Variants in FGF12 observed in about 807,000 individuals in gnomAD.
The protein encoded by FGF12 is fibroblast growth factor 12B.
A neutral mutation model predicts 23.6 loss-of-function variants in FGF12; 14 were observed. That is an observed-to-expected ratio of 0.59 (90% CI 0.39 to 0.93). FGF12 has a LOEUF of 0.93. FGF12 is among the 40% of genes least tolerant of loss of function. The pLI is 0.00. For missense variants in FGF12, 175 were observed against 217.8 expected (o/e 0.80, Z 1.24); for synonymous variants, 62 against 77.3 (o/e 0.80, Z 1.04).
At chr3:192,720,210 C>T (rs1718996373) in intron 2 of FGF12, among the ~76,000 whole-genome samples, 1 of 152,258 alleles carries the variant, frequency 6.6e-6, no homozygotes, top group Admixed American at 6.5e-5. Context: ...TTACTTCTAT[C>T]ACGTAGTTTA....
intron 4 of FGF12, among the ~76,000 whole-genome samples, chr3:192,289,303 G>T (rs1714630198): frequency 6.6e-6 from 1 of 152,134 alleles, no homozygotes; most frequent in Non-Finnish European, 1.5e-5. Context: ...CTTTGAATGA[G>T]TCCATCAGTG....
chr3:192,329,528 G>T (rs1264010619), intron 4 of FGF12, among the ~76,000 whole-genome samples: 1 of 152,098 alleles, frequency 6.6e-6, no homozygotes, highest in Non-Finnish European at 1.5e-5. Flanking sequence ...ACAAGGTTCA[G>T]TTCAAACAAC....
chr3:192,707,472 G>A (rs1168248257), intron 2 of FGF12, among the ~76,000 whole-genome samples: 1 of 152,152 alleles, frequency 6.6e-6, no homozygotes, highest in South Asian at 2.1e-4. Context: ...CAATAGCTGG[G>A]TGCGGTGGCT....
chr3:192,575,623 G>T (rs1047595890), intron 2 of FGF12, among the ~76,000 whole-genome samples: 1 of 151,864 alleles, frequency 6.6e-6, no homozygotes, highest in Non-Finnish European at 1.5e-5. Flanking sequence ...TCCTTCTTTT[G>T]GTACCACTTA....
At chr3:192,402,641 T>C (rs565327706) in intron 2 of FGF12, among the ~76,000 whole-genome samples, 1 of 152,330 alleles carries the variant, frequency 6.6e-6, no homozygotes, top group African/African-American at 2.4e-5. Context: ...ACAAGTCTCA[T>C]TGCCACTTGA....
At chr3:192,211,034 G>A (rs1006187047) in intron 4 of FGF12, among the ~76,000 whole-genome samples, 1 of 152,120 alleles carries the variant, frequency 6.6e-6, no homozygotes, top group Admixed American at 6.5e-5. Context: ...CTCATATCTC[G>A]AAAGGATACT....
intron 2 of FGF12, among the ~76,000 whole-genome samples, chr3:192,420,917 C>A (rs914844221): frequency 6.6e-6 from 1 of 151,904 alleles, no homozygotes; most frequent in Non-Finnish European, 1.5e-5. Flanking sequence ...ACAAGAATCA[C>A]AATTTGGAAA....
chr3:192,551,082 T>C (rs73887620), intron 2 of FGF12, among the ~76,000 whole-genome samples: 269 of 152,302 alleles, frequency 1.8e-3, no homozygotes, highest in African/African-American at 6.2e-3. Context: ...TAAACAATTA[T>C]AAAACTGGGT....
chr3:192,507,238 C>G (rs1724337417), intron 2 of FGF12, among the ~76,000 whole-genome samples: 1 of 151,934 alleles, frequency 6.6e-6, no homozygotes, highest in South Asian at 2.1e-4. Flanking sequence ...GGGTGAGCCT[C>G]TTGGTTGAGA....
chr3:192,511,272 AC>A (rs1179518422), intron 2 of FGF12, among the ~76,000 whole-genome samples: 1 of 151,618 alleles, frequency 6.6e-6, no homozygotes, highest in Non-Finnish European at 1.5e-5. Flanking sequence ...TATTACTACT[AC>A]TGTAGGGACC....
intron 5 of FGF12, among the ~76,000 whole-genome samples, chr3:192,150,494 A>G (rs1713989460): frequency 1.5e-5 from 2 of 134,696 alleles, no homozygotes; most frequent in African/African-American, 5.6e-5. Context: ...ATTTTTGTAT[A>G]AGGTGTAAGG....
chr3:192,721,866 G>C lies in FGF12; in HGVS notation c.13+5315C>G, dbSNP rs547447898. ...ACAAAAGGCAGGAATTATTGCTGTGGAATGTTAAGTGCCTCTTTGGAGCTC... is the reference window on the plus strand; with the variant it reads ...ACAAAAGGCAGGAATTATTGCTGTGCAATGTTAAGTGCCTCTTTGGAGCTC... On this transcript the variant is annotated intron_variant, in intron 2 of 5. Transcript: ENST00000445105. Among the ~76,000 whole-genome samples the C allele has an allele frequency of 2.6e-5, 4 of 152,288 alleles. No homozygotes were observed. In the East Asian group the frequency reaches 5.8e-4, roughly 22 times the overall value.
chr3:192,654,787 A>T (rs574653702), intron 2 of FGF12, among the ~76,000 whole-genome samples: 2 of 152,272 alleles, frequency 1.3e-5, no homozygotes, highest in East Asian at 3.9e-4. Flanking sequence ...GAAACTGGTT[A>T]TGGTTTTCGT....
intron 2 of FGF12, among the ~76,000 whole-genome samples, chr3:192,651,254 T>C (rs1410376888): frequency 6.6e-6 from 1 of 152,196 alleles, no homozygotes; most frequent in Non-Finnish European, 1.5e-5. Context: ...CAGAGTGGGA[T>C]ATTCAGGTGG....
intron 2 of FGF12, among the ~76,000 whole-genome samples, chr3:192,629,517 GA>G (rs1446069881): frequency 6.6e-6 from 1 of 152,238 alleles, no homozygotes; most frequent in African/African-American, 2.4e-5. Flanking sequence ...GAAGTCAGAT[GA>G]AAACAGATTC....
At chr3:192,606,650 T>C (rs544891171) in intron 2 of FGF12, among the ~76,000 whole-genome samples, 1 of 152,160 alleles carries the variant, frequency 6.6e-6, no homozygotes, top group African/African-American at 2.4e-5. Flanking sequence ...TCACAGAGAA[T>C]CTTGTAACAT....
rs56699927 is a variant in FGF12 at position 192,530,822 on chromosome 3, AT to A, written c.14-170285del. ...TTTATGGTATCTGAATTGCATTTTA[AT>A]TTTTTTTTTTAGATAGAGTCTTGTT... On this transcript the variant is annotated intron_variant, in intron 2 of 5. Coordinates refer to ENST00000445105, the MANE Select transcript of FGF12 (RefSeq NM_004113.6). 3.4e-3 allele frequency among the ~76,000 whole-genome samples: 509 copies of A among 148,716 alleles called. 4 individuals carry two copies. The highest frequency in any genetic ancestry group is 0.02 in the East Asian group (102 of 5,072).
intron 2 of FGF12, among the ~76,000 whole-genome samples, chr3:192,387,854 T>G (rs113326868): frequency 0.017 from 2,634 of 152,126 alleles, 65 homozygotes; most frequent in African/African-American, 0.06. Flanking sequence ...GCCACTGCAC[T>G]CCAGCCTGGG....
intron 2 of FGF12, among the ~76,000 whole-genome samples, chr3:192,664,806 C>A (rs533677536): frequency 6.6e-6 from 1 of 151,830 alleles, no homozygotes; most frequent in Admixed American, 6.6e-5. Context: ...AAGCCAGCCC[C>A]AAATAGTTTG....
Sources: allele counts gnomAD v4.1 joint callset (sites outside exome capture counted in the v4.1 genomes callset), GRCh38; gene constraint gnomAD v4.1.1; transcripts MANE v1.5; gene names NCBI Gene and HGNC (gene_info 2026-07-23, HGNC 2026-07-21).